Variants in C1orf87 observed in about 807,000 individuals in gnomAD.
C1orf87 encodes chromosome 1 open reading frame 87, also known as uncharacterized protein C1orf87.
A neutral mutation model predicts 60.5 loss-of-function variants in C1orf87; 58 were observed. That is an observed-to-expected ratio of 0.96 (90% CI 0.78 to 1.19). The LOEUF (loss-of-function observed/expected upper bound fraction) is 1.19. Among genes scored for constraint, C1orf87 ranks in the 50% most tolerant of loss-of-function variants. The pLI, the probability that C1orf87 is intolerant of heterozygous loss-of-function variation, is 0.00. For missense variants in C1orf87, 673 were observed against 638.6 expected (o/e 1.05, Z -0.58); for synonymous variants, 236 against 227.4 (o/e 1.04, Z -0.34).
At position 60,010,553 on chromosome 1, in the gene C1orf87, A is replaced by T. The variant is rs556941911; in HGVS notation, c.1128-97T>A. 5 of 1,055,752 alleles carry T rather than the reference A, an allele frequency of 4.7e-6. No homozygotes were observed. The African/African-American group carries it at 6.4e-5, about 13-fold the overall frequency. 65.4% of individuals were successfully genotyped at this position (1,055,752 alleles called of 1,614,324 possible). On this transcript the variant is annotated intron_variant, in intron 8 of 11. Transcript: ENST00000371201. ...TTTATATTGGTAGTGATATTGAATA[A>T]GCTTTTTGATACTTCTATCATTTAA...
At position 60,039,964 on chromosome 1, in the gene C1orf87, C is replaced by G. The variant is rs1008540243; in HGVS notation, c.700G>C (p.Val234Leu). 6.2e-7 allele frequency: 1 copy of G among 1,613,988 alleles called. No individual in the cohort carries two copies. The highest frequency in any genetic ancestry group is 8.5e-7 in the Non-Finnish European group (1 of 1,179,998). Reference protein sequence around the residue: ...KHEVPLQLPTVKILCQRFSKR... With the variant: ...KHEVPLQLPTLKILCQRFSKR... ...GAAAATCTCTGACAAAGGATTTTAACTGTTGGTAACTGTAGAGGGACTTCA... is the reference window on the plus strand; with the variant it reads ...GAAAATCTCTGACAAAGGATTTTAAGTGTTGGTAACTGTAGAGGGACTTCA... The change falls in exon 5 of 12, where the codon GTT becomes CTT. Residue 234 changes from valine (V) to leucine (L), a missense_variant. Physicochemically the swap from Val to Leu is conservative, Grantham distance 32. Transcript: ENST00000371201.
intron 11 of C1orf87, among the ~76,000 whole-genome samples, chr1:59,991,193 C>T (rs561326895): frequency 1.1e-3 from 169 of 152,274 alleles, no homozygotes; most frequent in Non-Finnish European, 2.0e-3. Flanking sequence ...GTCCTGAGTT[C>T]TTTTTATCTT....
chr1:60,056,463 C>A (rs2100320959), intron 2 of C1orf87, among the ~76,000 whole-genome samples: 1 of 152,172 alleles, frequency 6.6e-6, no homozygotes, highest in Admixed American at 6.5e-5. Context: ...TAGGTGGATG[C>A]ATTGACTATT....
intron 2 of C1orf87, among the ~76,000 whole-genome samples, chr1:60,063,226 G>C (rs955480452): frequency 1.3e-5 from 2 of 152,100 alleles, no homozygotes; most frequent in Non-Finnish European, 2.9e-5. Flanking sequence ...AGTAAACAAA[G>C]ATAAGGCTTA....
rs375722624 is a variant in C1orf87 at position 60,046,151 on chromosome 1, C to A, written c.343-5020G>T. Reference sequence around the variant, plus strand: ...ATCTTTTAAAATTCCTTCCTTCCTTCTTTCCTTCCTCTCCTTGCTTCTTTC... The same window carrying A: ...ATCTTTTAAAATTCCTTCCTTCCTTATTTCCTTCCTCTCCTTGCTTCTTTC... On this transcript the variant is annotated intron_variant, in intron 3 of 11. Transcript: ENST00000371201. 2.7e-5 allele frequency among the ~76,000 whole-genome samples: 4 copies of A among 148,572 alleles called. No homozygotes were observed. The South Asian group carries it at 8.6e-4, about 32-fold the overall frequency.
intron 2 of C1orf87, among the ~76,000 whole-genome samples, chr1:60,058,562 C>T (rs1431279278): frequency 6.6e-6 from 1 of 152,094 alleles, no homozygotes; most frequent in African/African-American, 2.4e-5. Context: ...AACATGACAG[C>T]CACGCTATAC....
chr1:60,033,500 G>T lies in C1orf87; in HGVS notation c.1005C>A (p.Phe335Leu). The change falls in exon 7 of 12, where the codon TTC (phenylalanine) becomes TTA (leucine). Residue 335 changes from phenylalanine (F) to leucine (L), a missense_variant. Physicochemically the swap from Phe to Leu is conservative, Grantham distance 22. Coordinates refer to ENST00000371201, the MANE Select transcript of C1orf87 (RefSeq NM_152377.3). ...NLSFRKEDRS[F>L]SGCLPLPKVR... ...CCTTAGGTAGAGGGAGGCAGCCAGA[G>T]AACGAGCGATCTTCTTTTCGAAAAC... 6.2e-7 allele frequency: 1 copy of T among 1,613,938 alleles called. No homozygotes were observed. Among genetic ancestry groups the T allele is most frequent in the Admixed American group, 1.7e-5 (1 of 60,020 alleles).
intron 2 of C1orf87, among the ~76,000 whole-genome samples, chr1:60,056,933 C>T (rs535312628): frequency 1.3e-5 from 2 of 152,148 alleles, no homozygotes; most frequent in South Asian, 2.1e-4. Context: ...TTGTTGAACT[C>T]CAATACTTGT....
intron 6 of C1orf87, among the ~76,000 whole-genome samples, chr1:60,037,052 G>A (rs1645282902): frequency 6.6e-6 from 1 of 152,156 alleles, no homozygotes; most frequent in Admixed American, 6.5e-5. Flanking sequence ...TGCAATTGCT[G>A]CAAATAACTT....
intron 3 of C1orf87, among the ~76,000 whole-genome samples, chr1:60,047,844 AT>A (rs1201517895): frequency 5.3e-5 from 8 of 152,014 alleles, no homozygotes; most frequent in Admixed American, 5.2e-4. Context: ...ACATTTAAAT[AT>A]TTTTTTCAAG....
chr1:60,063,873 T>C (rs1477787313), intron 2 of C1orf87, among the ~76,000 whole-genome samples: 2 of 152,028 alleles, frequency 1.3e-5, no homozygotes, highest in East Asian at 3.9e-4. Flanking sequence ...CAGTACTGAG[T>C]GTCAACTCGA....
chr1:59,997,935 C>T, intron 10 of C1orf87, 119 bp from the exon 11 acceptor site: 1 of 945,864 alleles, frequency 1.1e-6, no homozygotes, highest in Non-Finnish European at 1.6e-6. Context: ...GTTTGGAAAG[C>T]TAAGAGGATG....
intron 9 of C1orf87, among the ~76,000 whole-genome samples, chr1:60,002,661 C>A (rs1163330612): frequency 6.6e-6 from 1 of 152,016 alleles, no homozygotes; most frequent in Non-Finnish European, 1.5e-5. Flanking sequence ...TCAATTTTGT[C>A]TTTTGTTGCC....
At chr1:60,021,856 G>A (rs1019963015) in intron 8 of C1orf87, among the ~76,000 whole-genome samples, 7 of 152,176 alleles carry the variant, frequency 4.6e-5, no homozygotes, top group Admixed American at 4.6e-4. Context: ...CTTTAAATAG[G>A]GTGGTTAGTG....
intron 8 of C1orf87, among the ~76,000 whole-genome samples, chr1:60,020,929 G>A (rs895838223): frequency 2.6e-5 from 4 of 152,160 alleles, no homozygotes; most frequent in African/African-American, 9.7e-5. Flanking sequence ...ATTGAAGGAA[G>A]GGCCTGGTGG....
At chr1:60,018,859 C>T (rs12041866) in intron 8 of C1orf87, among the ~76,000 whole-genome samples, 11,788 of 152,164 alleles carry the variant, frequency 0.077, 663 homozygotes, top group East Asian at 0.22. Flanking sequence ...TTCTGTATTG[C>T]TCTTATCACC....
chr1:60,036,880 G>C (rs1027948805), intron 6 of C1orf87, among the ~76,000 whole-genome samples: 4 of 152,014 alleles, frequency 2.6e-5, no homozygotes, highest in Non-Finnish European at 5.9e-5. Context: ...TTTTTTGCTA[G>C]TGCCTGCGAC....
rs1645002059 is a variant in C1orf87, at chr1:60,001,237, C to A, written c.1193-81G>T. 29 of 949,602 alleles carry A rather than the reference C, an allele frequency of 3.1e-5. 1 individual carries two copies. In the South Asian group the frequency reaches 6.1e-4, roughly 20 times the overall value. The allele number at this position is 949,602 out of a possible 1,614,324, so 58.8% of individuals were successfully genotyped here. ...CACACACATATACACAAGGCAACAA[C>A]AACAGCAACAACAAAAAAATGGAGG... On this transcript the variant is annotated intron_variant, in intron 9 of 11. Coordinates refer to ENST00000371201, the MANE Select transcript of C1orf87 (RefSeq NM_152377.3).
At chr1:59,998,792 A>G (rs1644981110) in intron 10 of C1orf87, among the ~76,000 whole-genome samples, 1 of 152,162 alleles carries the variant, frequency 6.6e-6, no homozygotes, top group Non-Finnish European at 1.5e-5. Flanking sequence ...AAGCTGGTCT[A>G]CTGAGAAAGA....
Sources: gnomAD v4.1 joint callset for allele counts (sites outside exome capture counted in the v4.1 genomes callset) on GRCh38, gnomAD v4.1.1 for gene constraint, MANE v1.5 for transcripts, NCBI Gene and HGNC (gene_info 2026-07-23, HGNC 2026-07-21) for gene names.